Variants in CSMD1 observed in about 807,000 individuals in gnomAD.
CSMD1 encodes the protein CUB and sushi domain-containing protein 1.
CSMD1 carries 213 observed loss-of-function variants against 417.5 expected under a neutral mutation model. The ratio of observed to expected loss-of-function variants is 0.51; its 90% CI spans 0.46 to 0.57. CSMD1 has a LOEUF of 0.57. Among genes scored for constraint, CSMD1 ranks in the 20% least tolerant of loss-of-function variants. The probability of loss-of-function intolerance (pLI) is 0.00; values close to 1 mark genes in which losing one functional copy is unlikely to be tolerated. For missense variants in CSMD1, 6,923 were observed against 4,529.7 expected (o/e 1.53, Z -15.17); for synonymous variants, 2,862 against 1,736.8 (o/e 1.65, Z -16.11).
At chr8:3,831,764 C>G (rs998298855) in intron 5 of CSMD1, among the ~76,000 whole-genome samples, 2 of 152,096 alleles carry the variant, frequency 1.3e-5, no homozygotes, top group Non-Finnish European at 2.9e-5. Flanking sequence ...TAGCACAACA[C>G]ATAGCCATTT....
intron 8 of CSMD1, among the ~76,000 whole-genome samples, chr8:3,611,623 T>C (rs1255963550): frequency 6.6e-6 from 1 of 152,168 alleles, no homozygotes; most frequent in Non-Finnish European, 1.5e-5. Flanking sequence ...TAACGAAAAT[T>C]AGAAAATTTT....
At chr8:3,731,460 C>A (rs1286980514) in intron 6 of CSMD1, among the ~76,000 whole-genome samples, 31 of 152,150 alleles carry the variant, frequency 2.0e-4, no homozygotes, top group Admixed American at 2.0e-3. Flanking sequence ...GTTTTAACCC[C>A]TTCAATTCAA....
At chr8:4,875,990 A>AT (rs1803016145) in intron 1 of CSMD1, among the ~76,000 whole-genome samples, 2 of 152,076 alleles carry the variant, frequency 1.3e-5, no homozygotes, top group South Asian at 4.1e-4. Context: ...CACGATTTTT[A>AT]TTTTTATAGT....
At chr8:3,298,094 T>C (rs80176031) in intron 25 of CSMD1, among the ~76,000 whole-genome samples, 12,768 of 152,152 alleles carry the variant, frequency 0.084, 674 homozygotes, top group Non-Finnish European at 0.12. Flanking sequence ...CCATTGTTGG[T>C]TAGAAAGTGA....
chr8:4,228,490 C>A (rs1225897087), intron 3 of CSMD1, among the ~76,000 whole-genome samples: 1 of 152,034 alleles, frequency 6.6e-6, no homozygotes, highest in Non-Finnish European at 1.5e-5. Context: ...TATCCTCCCC[C>A]AACTGTCTCT....
At chr8:3,007,774 G>T (rs1166257203) in intron 52 of CSMD1, among the ~76,000 whole-genome samples, 3 of 125,688 alleles carry the variant, frequency 2.4e-5, no homozygotes, top group African/African-American at 8.8e-5. Context: ...ACCGCTGTGG[G>T]GTGGGGGGAG....
rs1261224286 is a variant in CSMD1, at chr8:3,795,064, A to AC, written c.819-41023_819-41022insG. Among the ~76,000 whole-genome samples the AC allele has an allele frequency of 3.8e-5, 5 of 132,472 alleles. No individual in the cohort carries two copies. The South Asian group carries it at 7.3e-4, about 19-fold the overall frequency. The allele number at this position is 132,472 out of a possible 152,430, so 86.9% of individuals were successfully genotyped here. On this transcript the variant is annotated intron_variant, in intron 5 of 69. Coordinates refer to ENST00000635120, the MANE Select transcript of CSMD1 (RefSeq NM_033225.6). ...ATATCTATCATGTATAGCTATAGAT[A>AC]TATATCTATCATGTACAGCTATAGA...
intron 2 of CSMD1, among the ~76,000 whole-genome samples, chr8:4,423,461 C>G (rs950279298): frequency 2.6e-5 from 4 of 151,970 alleles, no homozygotes; most frequent in Non-Finnish European, 4.4e-5. Flanking sequence ...ATCACAACAG[C>G]TCAAAGAAAA....
chr8:4,726,633 A>G (rs1303415888), intron 1 of CSMD1, among the ~76,000 whole-genome samples: 1 of 152,148 alleles, frequency 6.6e-6, no homozygotes, highest in Non-Finnish European at 1.5e-5. Flanking sequence ...CTGAATCATT[A>G]TTTCAAGGTA....
chr8:4,138,380 C>T (rs1443649784), intron 3 of CSMD1, among the ~76,000 whole-genome samples: 1 of 152,004 alleles, frequency 6.6e-6, no homozygotes, highest in Non-Finnish European at 1.5e-5. Flanking sequence ...GATACCTGCT[C>T]TGGCACTTTG....
chr8:3,367,252 G>C lies in CSMD1; in HGVS notation c.2900-5C>G, dbSNP rs138504271. 11 of 1,600,588 alleles carry C rather than the reference G, an allele frequency of 6.9e-6. No homozygotes were observed. Among genetic ancestry groups the C allele is most frequent in the Middle Eastern group, 1.7e-4 (1 of 6,028 alleles). The stretch of plus-strand genomic sequence containing the variant: ...TGTGAAAGATCATTTGAACTCCTGA[G>C]AAATGAAGCCGGGGGAGAGAGAGAG... On this transcript the variant is annotated splice_region_variant and splice_polypyrimidine_tract_variant and intron_variant, in intron 19 of 69. Coordinates refer to ENST00000635120, the MANE Select transcript of CSMD1 (RefSeq NM_033225.6).
chr8:3,846,548 G>C (rs1204484107), intron 5 of CSMD1, among the ~76,000 whole-genome samples: 1 of 152,192 alleles, frequency 6.6e-6, no homozygotes, highest in Non-Finnish European at 1.5e-5. Flanking sequence ...TTGGGCTAGA[G>C]CATATGAAAT....
intron 37 of CSMD1, among the ~76,000 whole-genome samples, chr8:3,173,592 G>A (rs535456035): frequency 1.7e-4 from 26 of 152,260 alleles, no homozygotes; most frequent in South Asian, 1.7e-3. Context: ...TTAACATGAG[G>A]CAATGAAGAT....
intron 5 of CSMD1, among the ~76,000 whole-genome samples, chr8:3,908,210 CATT>C (rs1361266765): frequency 1.3e-5 from 2 of 151,992 alleles, no homozygotes; most frequent in Non-Finnish European, 2.9e-5. Flanking sequence ...ACATAATAGT[CATT>C]ATCAAATTTA....
chr8:4,837,665 A>C (rs942710024), intron 1 of CSMD1, among the ~76,000 whole-genome samples: 1 of 152,192 alleles, frequency 6.6e-6, no homozygotes, highest in Non-Finnish European at 1.5e-5. Context: ...GTACAAAAAA[A>C]AGTTAGAATA....
intron 5 of CSMD1, among the ~76,000 whole-genome samples, chr8:3,996,928 A>G (rs919504232): frequency 6.6e-6 from 1 of 152,174 alleles, no homozygotes; most frequent in Non-Finnish European, 1.5e-5. Flanking sequence ...TTCATGTTTG[A>G]CATGTTTGTC....
chr8:4,674,664 A>G (rs750887900), intron 1 of CSMD1, among the ~76,000 whole-genome samples: 1 of 152,234 alleles, frequency 6.6e-6, no homozygotes, highest in African/African-American at 2.4e-5. Context: ...CAGAACAACA[A>G]TAACAACAAC....
intron 2 of CSMD1, among the ~76,000 whole-genome samples, chr8:4,437,819 G>A (rs1263358762): frequency 1.3e-5 from 2 of 152,104 alleles, no homozygotes; most frequent in African/African-American, 4.8e-5. Flanking sequence ...TTGGTTGATG[G>A]GCTTGTCTGT....
intron 7 of CSMD1, among the ~76,000 whole-genome samples, chr8:3,653,116 T>C (rs1457761278): frequency 6.6e-6 from 1 of 152,118 alleles, no homozygotes; most frequent in Non-Finnish European, 1.5e-5. Flanking sequence ...GCATATGCTT[T>C]ATTAATTGAA....
Sources: allele counts gnomAD v4.1 joint callset (sites outside exome capture counted in the v4.1 genomes callset), GRCh38; gene constraint gnomAD v4.1.1; transcripts MANE v1.5; gene names NCBI Gene and HGNC (gene_info 2026-07-23, HGNC 2026-07-21).